EXOC1: variants seen among roughly 807,000 people sequenced by gnomAD.
EXOC1 encodes the protein SEC3-like 1.
A neutral mutation model predicts 107.7 loss-of-function variants in EXOC1; 67 were observed. The observed-to-expected ratio is 0.62, with a 90% confidence interval of 0.51 to 0.76. The LOEUF (loss-of-function observed/expected upper bound fraction) is 0.76, where lower values mean the gene tolerates loss of function less well. EXOC1 is among the 30% of genes least tolerant of loss of function. EXOC1 has a pLI of 0.00. For missense variants in EXOC1, 833 were observed against 1,055.7 expected (o/e 0.79, Z 2.92); for synonymous variants, 348 against 353.5 (o/e 0.98, Z 0.17).
intron 15 of EXOC1, 131 bp downstream of exon 15, chr4:55,893,911 A>G (rs1402756217): frequency 2.8e-6 from 2 of 713,184 alleles, no homozygotes; most frequent in Admixed American, 2.8e-5. Context: ...GAAGCAGGGC[A>G]TGGCAACAAT....
intron 16 of EXOC1, among the ~76,000 whole-genome samples, chr4:55,898,926 A>G (rs1014491557): frequency 6.6e-6 from 1 of 152,170 alleles, no homozygotes; most frequent in Non-Finnish European, 1.5e-5. Flanking sequence ...AAATTACTAG[A>G]AATGGAATTA....
At chr4:55,891,263 T>TTAAGCA in intron 12 of EXOC1, 52 bp from the exon 13 acceptor site, 1 of 1,098,640 alleles carries the variant, frequency 9.1e-7, no homozygotes, top group South Asian at 1.2e-5. Context: ...GAGTGTTATT[T>TTAAGCA]TAAGCATTTG....
intron 18 of EXOC1, among the ~76,000 whole-genome samples, chr4:55,903,191 GAGAA>G (rs1217445682): frequency 6.8e-6 from 1 of 147,498 alleles, no homozygotes; most frequent in African/African-American, 2.5e-5. Context: ...AAGAAAGAAA[GAGAA>G]AGAAAGAAAA....
intron 3 of EXOC1, among the ~76,000 whole-genome samples, chr4:55,861,887 C>T (rs1288892957): frequency 1.3e-5 from 2 of 152,206 alleles, no homozygotes; most frequent in African/African-American, 4.8e-5. Flanking sequence ...AACCCTGTCT[C>T]TACTAAAATA....
chr4:55,870,196 A>T (rs942973680), intron 5 of EXOC1, among the ~76,000 whole-genome samples: 3 of 152,238 alleles, frequency 2.0e-5, no homozygotes, highest in Non-Finnish European at 4.4e-5. Flanking sequence ...AGAGTCTGGT[A>T]TACCACTGCT....
intron 3 of EXOC1, among the ~76,000 whole-genome samples, chr4:55,862,047 C>A (rs766750756): frequency 6.6e-6 from 1 of 151,334 alleles, no homozygotes; most frequent in Non-Finnish European, 1.5e-5. Flanking sequence ...GAGTGAGACT[C>A]TGTCTCCACA....
chr4:55,886,552 C>CAAAAAACA (rs774957758), intron 10 of EXOC1, among the ~76,000 whole-genome samples: 3,891 of 117,656 alleles, frequency 0.033, 99 homozygotes, highest in East Asian at 0.13. Context: ...GACCCTGTCT[C>CAAAAAACA]AAAAAACAAA....
chr4:55,873,391 T>C (rs546708490), intron 8 of EXOC1, among the ~76,000 whole-genome samples: 1 of 152,242 alleles, frequency 6.6e-6, no homozygotes, highest in East Asian at 1.9e-4. Context: ...TAATTCATGT[T>C]TTTGTTAGGT....
rs374312857 is a variant in EXOC1 at position 55,858,307 on chromosome 4, T to C, written c.-10-7T>C. ...TGAGCTTAATATCTATACTCCACAT[T>C]TTTCAGCTGAGAAAAGATGACAGCA... On this transcript the variant is annotated splice_polypyrimidine_tract_variant and splice_region_variant and intron_variant, in intron 1 of 18. Coordinates refer to ENST00000381295, the MANE Select transcript of EXOC1 (RefSeq NM_001024924.2). 4.8e-5 allele frequency: 77 copies of C among 1,598,982 alleles called. No individual in the cohort carries two copies. In the African/African-American group the frequency reaches 1.0e-3, roughly 21 times the overall value.
intron 4 of EXOC1, among the ~76,000 whole-genome samples, chr4:55,865,593 C>T (rs184143934): frequency 4.6e-5 from 7 of 151,996 alleles, no homozygotes; most frequent in Admixed American, 6.6e-5. Context: ...TTTAACATTT[C>T]AGGGTTGAAC....
At chr4:55,894,609 T>C (rs1170026922) in intron 15 of EXOC1, among the ~76,000 whole-genome samples, 1 of 145,996 alleles carries the variant, frequency 6.8e-6, no homozygotes, top group African/African-American at 2.5e-5. Flanking sequence ...TCTTACTATC[T>C]GTTACTTTTT....
chr4:55,887,682 A>G (rs566671751), intron 10 of EXOC1, among the ~76,000 whole-genome samples: 1 of 151,860 alleles, frequency 6.6e-6, no homozygotes, highest in South Asian at 2.1e-4. Flanking sequence ...ACTTGAGCCC[A>G]GGAGTTCAGG....
chr4:55,889,333 T>G (rs1724248567), intron 11 of EXOC1, among the ~76,000 whole-genome samples: 1 of 152,200 alleles, frequency 6.6e-6, no homozygotes, highest in South Asian at 2.1e-4. Flanking sequence ...AACTGAGAGA[T>G]ATTCAGGAAG....
At chr4:55,866,543 C>T (rs1721971654) in intron 4 of EXOC1, among the ~76,000 whole-genome samples, 1 of 152,128 alleles carries the variant, frequency 6.6e-6, no homozygotes, top group Non-Finnish European at 1.5e-5. Flanking sequence ...TCACAACTGA[C>T]CTAAATATAA....
At chr4:55,894,705 C>T (rs77557389) in intron 15 of EXOC1, among the ~76,000 whole-genome samples, 20,572 of 143,088 alleles carry the variant, frequency 0.14, 1,773 homozygotes, top group East Asian at 0.5. Context: ...TCACCGCAAC[C>T]TCCGCCTCCT....
intron 11 of EXOC1, among the ~76,000 whole-genome samples, chr4:55,889,865 C>T (rs1724311622): frequency 6.6e-6 from 1 of 152,260 alleles, no homozygotes. Context: ...GACCTTCATC[C>T]ATATTCCTGT....
At chr4:55,871,403 T>A (rs2110336519) in intron 7 of EXOC1, among the ~76,000 whole-genome samples, 170 bp downstream of exon 7, 1 of 152,334 alleles carries the variant, frequency 6.6e-6, no homozygotes, top group South Asian at 2.1e-4. Flanking sequence ...ACTAGGAACT[T>A]TTTTACTTCA....
Position 55,870,903 on chromosome 4 carries a change from G to T in EXOC1, c.829G>T (p.Val277Leu), listed in dbSNP as rs762433095. 6.2e-7 allele frequency: 1 copy of T among 1,609,914 alleles called. No homozygotes were observed. The highest frequency in any genetic ancestry group is 8.5e-7 in the Non-Finnish European group (1 of 1,177,732). Residue 277 changes from valine (V) to leucine (L), a missense_variant and splice_region_variant, in exon 6 of 19, where the codon GTG (valine) becomes TTG (leucine). Transcript: ENST00000381295. ...ACTCCTATCTGAGATAGAGTTCCTT[G>T]TGGTAAGTATGATCATAAATTACCA... ...VKLLSEIEFL[V>L]NHMDLAKGHI...
Position 55,871,195 on chromosome 4 carries a change from A to T in EXOC1, c.926A>T (p.Asp309Val), listed in dbSNP as rs1722405044. The T allele has an allele frequency of 6.2e-7, 1 of 1,613,796 alleles. No individual in the cohort carries two copies. The highest frequency in any genetic ancestry group is 8.5e-7 in the Non-Finnish European group (1 of 1,179,866). The change falls in exon 7 of 19, where the codon GAT becomes GTT. Residue 309 changes from aspartate to valine, a missense_variant. This residue lies in a region of EXOC1 where 617 missense variants were observed against 701.3 expected (regional missense o/e 0.88). Transcript: ENST00000381295. ...RGIEACTNAA[D>V]ALLQCMNVAL... ...ATTGAGGCCTGCACCAATGCTGCTGATGCCCTTCTGCAGTGCATGAATGTA... is the reference window on the plus strand; with the variant it reads ...ATTGAGGCCTGCACCAATGCTGCTGTTGCCCTTCTGCAGTGCATGAATGTA...
Sources: gnomAD v4.1 joint callset for allele counts (sites outside exome capture counted in the v4.1 genomes callset) on GRCh38, gnomAD v4.1.1 for gene constraint, gnomAD v4.1.1 regional missense constraint, MANE v1.5 for transcripts, NCBI Gene and HGNC (gene_info 2026-07-23, HGNC 2026-07-21) for gene names.